ZFHX3: variants seen among roughly 807,000 people sequenced by gnomAD.
ZFHX3 encodes zinc finger homeobox protein 3.
In ZFHX3, 42 loss-of-function variants were observed where a neutral mutation model predicts 279.1. That is an observed-to-expected ratio of 0.15 (90% confidence interval 0.12 to 0.19). The LOEUF (loss-of-function observed/expected upper bound fraction) is 0.19. ZFHX3 is among the 10% of genes least tolerant of loss of function. The pLI is 1.00. For missense variants in ZFHX3, 4,981 were observed against 4,754.0 expected, an observed-to-expected ratio of 1.05 and a Z score of -1.40; for synonymous variants, 2,293 against 1,957.8, an observed-to-expected ratio of 1.17 and a Z score of -4.52.
At chr16:72,825,964 G>A (rs906109378) in intron 5 of ZFHX3, among the ~76,000 whole-genome samples, 7 of 152,024 alleles carry the variant, frequency 4.6e-5, no homozygotes, top group African/African-American at 1.7e-4. Flanking sequence ...TAGTAATATC[G>A]GTCTTACGAC....
At chr16:73,453,530 A>G (rs1278278360) in intron 3 of ZFHX3, among the ~76,000 whole-genome samples, 2 of 152,206 alleles carry the variant, frequency 1.3e-5, no homozygotes, top group Admixed American at 1.3e-4. Flanking sequence ...AGAGTGTAAC[A>G]CTAGCCACCT....
chr16:73,587,316 G>C (rs1474937415), intron 2 of ZFHX3, among the ~76,000 whole-genome samples: 1 of 152,174 alleles, frequency 6.6e-6, no homozygotes, highest in African/African-American at 2.4e-5. Flanking sequence ...GAGATGTTTA[G>C]AGGTATACAT....
intron 1 of ZFHX3, among the ~76,000 whole-genome samples, chr16:73,756,408 G>A (rs1376787261): frequency 1.3e-5 from 2 of 152,162 alleles, no homozygotes; most frequent in Non-Finnish European, 2.9e-5. Flanking sequence ...TAATGTGATC[G>A]TGAAAGGTGG....
intron 2 of ZFHX3, among the ~76,000 whole-genome samples, chr16:73,606,417 C>CGGA (rs1190268592): frequency 6.7e-6 from 1 of 148,326 alleles, no homozygotes; most frequent in East Asian, 2.0e-4. Flanking sequence ...ACCCGAGAGG[C>CGGA]GGAGGTTGCA....
intron 2 of ZFHX3, among the ~76,000 whole-genome samples, chr16:73,493,577 G>C (rs1279736087): frequency 6.6e-6 from 1 of 152,208 alleles, no homozygotes; most frequent in African/African-American, 2.4e-5. Context: ...GCAGGGCCAG[G>C]CTGGCCCACT....
At chr16:73,754,185 C>T (rs1256694420) in intron 1 of ZFHX3, among the ~76,000 whole-genome samples, 1 of 152,154 alleles carries the variant, frequency 6.6e-6, no homozygotes, top group Admixed American at 6.5e-5. Flanking sequence ...TTACAGAACT[C>T]ACATCAACCG....
intron 1 of ZFHX3, among the ~76,000 whole-genome samples, chr16:73,750,019 A>T (rs569998066): frequency 6.6e-6 from 1 of 152,302 alleles, no homozygotes; most frequent in African/African-American, 2.4e-5. Context: ...TGGCCACCCA[A>T]CTACCCATCC....
rs751575363 is a variant in ZFHX3 at position 72,787,719 on chromosome 16, ACCGCCG to A, written c.10551_10556del (p.Gly3526_Gly3527del). On this transcript the variant is annotated inframe_deletion, in exon 10 of 10. Coordinates refer to ENST00000268489, the MANE Select transcript of ZFHX3 (RefSeq NM_006885.4). ...AGCCGCCGCCGCCGCCGCCGCCGCC[ACCGCCG>A]CCGCCGCCGCCACTGCCACCGCCGC... The A allele has an allele frequency of 6.7e-4, 867 of 1,297,404 alleles. 16 individuals are homozygous for A. The highest frequency in any genetic ancestry group is 7.5e-4 in the Non-Finnish European group (758 of 1,007,484). The allele number at this position is 1,297,404 out of a possible 1,614,324, so 80.4% of individuals were successfully genotyped here.
intron 7 of ZFHX3, among the ~76,000 whole-genome samples, chr16:73,105,922 T>G (rs780050988): frequency 8.8e-6 from 1 of 113,858 alleles, no homozygotes; most frequent in Non-Finnish European, 2.2e-5. Flanking sequence ...TCCCTATATG[T>G]ACACGGACCC....
At chr16:73,517,571 G>C (rs916628949) in intron 2 of ZFHX3, among the ~76,000 whole-genome samples, 4 of 152,212 alleles carry the variant, frequency 2.6e-5, no homozygotes, top group African/African-American at 9.6e-5. Context: ...GAGGAGCAGG[G>C]AGGAGCAGCA....
chr16:73,105,988 C>T (rs11642914), intron 7 of ZFHX3, among the ~76,000 whole-genome samples: 25,453 of 144,382 alleles, frequency 0.18, 3,016 homozygotes, highest in Middle Eastern at 0.29. Flanking sequence ...TACCTGCCGC[C>T]CGGAACGCCA....
intron 3 of ZFHX3, among the ~76,000 whole-genome samples, chr16:73,372,704 A>G (rs537801379): frequency 3.3e-5 from 5 of 152,352 alleles, no homozygotes; most frequent in African/African-American, 1.2e-4. Flanking sequence ...ATTTTGAGGA[A>G]GGACAGGACC....
At chr16:73,282,335 G>C (rs1208618620) in intron 4 of ZFHX3, among the ~76,000 whole-genome samples, 1 of 152,120 alleles carries the variant, frequency 6.6e-6, no homozygotes, top group Non-Finnish European at 1.5e-5. Context: ...TGTTTTCAAG[G>C]TTAAAAATTT....
chr16:73,808,377 A>G (rs1960341254), intron 1 of ZFHX3: 1 of 152,232 alleles, frequency 6.6e-6, no homozygotes, highest in African/African-American at 2.4e-5. Context: ...CATGTTGAAT[A>G]GTTTCAAATA....
intron 2 of ZFHX3, among the ~76,000 whole-genome samples, chr16:73,638,486 T>A (rs2052546882): frequency 1.3e-5 from 2 of 152,218 alleles, no homozygotes; most frequent in South Asian, 4.1e-4. Context: ...GCCCTAGGTA[T>A]TTAAATGACT....
At chr16:73,783,602 G>C (rs1200195285) in intron 1 of ZFHX3, among the ~76,000 whole-genome samples, 2 of 152,202 alleles carry the variant, frequency 1.3e-5, no homozygotes, top group Admixed American at 1.3e-4. Context: ...GGAAATTGAT[G>C]ATTGATTCAT....
In ZFHX3 at chr16:72,797,346, T is replaced by G. The variant is rs2143450011; in HGVS notation, c.5336A>C (p.His1779Pro). The G allele has an allele frequency of 6.3e-7, 1 of 1,599,438 alleles. No individual in the cohort carries two copies. The highest frequency in any genetic ancestry group is 8.5e-7 in the Non-Finnish European group (1 of 1,172,370). ...CAGGGTCTCAGTTGTCATGGGGAAGTGAGGAAGGAGGGTGGGGTTAAACAG... is the reference window on the plus strand; with the variant it reads ...CAGGGTCTCAGTTGTCATGGGGAAGGGAGGAAGGAGGGTGGGGTTAAACAG... ...SQLFNPTLLP[H>P]FPMTTETLLQ... Residue 1779 changes from histidine to proline, a missense_variant, in exon 9 of 10, where the codon CAC becomes CCC. His to Pro is a moderately conservative substitution (Grantham distance 77). Coordinates refer to ENST00000268489, the MANE Select transcript of ZFHX3 (RefSeq NM_006885.4).
chr16:73,436,526 G>A (rs896010650), intron 3 of ZFHX3, among the ~76,000 whole-genome samples: 1 of 152,112 alleles, frequency 6.6e-6, no homozygotes, highest in African/African-American at 2.4e-5. Context: ...CCACCCCCAC[G>A]ATTCAGTTAT....
chr16:73,586,300 A>G (rs2051925147), intron 2 of ZFHX3, among the ~76,000 whole-genome samples: 1 of 149,742 alleles, frequency 6.7e-6, no homozygotes, highest in East Asian at 1.9e-4. Context: ...CAGGCATGAA[A>G]ATCACTTGAA....
Sources: allele counts gnomAD v4.1 joint callset (sites outside exome capture counted in the v4.1 genomes callset), GRCh38; gene constraint gnomAD v4.1.1; transcripts MANE v1.5; gene names NCBI Gene and HGNC (gene_info 2026-07-23, HGNC 2026-07-21).